The following REPS1 variants were observed in gnomAD, a reference collection of about 807,000 sequenced individuals.
REPS1 encodes RALBP1 associated Eps domain containing 1, also known as ralBP1-associated Eps domain-containing protein 1.
A neutral mutation model predicts 100.9 loss-of-function variants in REPS1; 39 were observed. The ratio of observed to expected loss-of-function variants is 0.39; its 90% CI spans 0.30 to 0.50. The LOEUF is 0.50. Ranked by LOEUF, REPS1 falls within the 20% of genes least tolerant of loss-of-function variation. REPS1 has a pLI of 0.86. For missense variants in REPS1, 821 were observed against 968.5 expected (o/e 0.85, Z 2.02); for synonymous variants, 324 against 340.3 (o/e 0.95, Z 0.53).
intron 1 of REPS1, among the ~76,000 whole-genome samples, chr6:138,954,045 A>G (rs1336495523): frequency 1.3e-5 from 2 of 152,206 alleles, no homozygotes; most frequent in African/African-American, 2.4e-5. Context: ...TCATGGCAAC[A>G]TGGATGGAAC....
Position 138,952,409 on chromosome 6 carries a change from T to C in REPS1, c.154-4496A>G, listed in dbSNP as rs143287454. Among the ~76,000 whole-genome samples the C allele has an allele frequency of 2.1e-3, 316 of 152,128 alleles. 3 individuals carry two copies. Among genetic ancestry groups the C allele is most frequent in the African/African-American group, 7.2e-3 (299 of 41,494 alleles). ...AGTAGCATTTTTTTTTCTTTTTTTT[T>C]TTCCTCTGAGACAGAGTCCTGCTCT... On this transcript the variant is annotated intron_variant, in intron 1 of 19. Coordinates refer to ENST00000450536, the MANE Select transcript of REPS1 (RefSeq NM_001286611.2).
intron 6 of REPS1, 96 bp from the exon 7 acceptor site, chr6:138,943,672 T>C (rs1190563594): frequency 1.9e-6 from 2 of 1,051,900 alleles, no homozygotes; most frequent in Non-Finnish European, 2.7e-6. Context: ...TGGGAAAAGA[T>C]ATTTTTAATA....
At chr6:138,984,927 T>A (rs1295838906) in intron 1 of REPS1, among the ~76,000 whole-genome samples, 1 of 152,196 alleles carries the variant, frequency 6.6e-6, no homozygotes, top group East Asian at 1.9e-4. Flanking sequence ...TCCCTTTCTA[T>A]TCTACTGCTG....
chr6:138,959,197 T>G (rs895380828), intron 1 of REPS1, among the ~76,000 whole-genome samples: 1 of 151,576 alleles, frequency 6.6e-6, no homozygotes, highest in Non-Finnish European at 1.5e-5. Flanking sequence ...CAGCAAAGAG[T>G]GGTTAAGTGC....
chr6:138,970,748 A>C (rs1784301050), intron 1 of REPS1, among the ~76,000 whole-genome samples: 1 of 152,154 alleles, frequency 6.6e-6, no homozygotes, highest in South Asian at 2.1e-4. Context: ...GTGCCATTGC[A>C]CTCCAGCTTG....
rs377362890 is a variant in REPS1 at position 138,980,685 on chromosome 6, CGGGGGGGGG to C, written c.153+6836_153+6844del. Among the ~76,000 whole-genome samples, 2 of 14,830 alleles carry C rather than the reference CGGGGGGGGG, an allele frequency of 1.3e-4. 1 individual carries two copies. The highest frequency in any genetic ancestry group is 2.0e-3 in the Admixed American group (2 of 998). The allele number at this position is 14,830 out of a possible 152,430, so 9.7% of individuals were successfully genotyped here. A position where few individuals can be genotyped will look rare whatever the true frequency, so the allele number is the denominator to read the frequency against. On this transcript the variant is annotated intron_variant, in intron 1 of 19. Coordinates refer to ENST00000450536, the MANE Select transcript of REPS1 (RefSeq NM_001286611.2). Reference sequence around the variant, plus strand: ...TTTCCTTTTTTTTTTGTGGGTGGGGCGGGGGGGGGGGGGAACGGAGACTTGCTCTGTCAC... The same window carrying C: ...TTTCCTTTTTTTTTTGTGGGTGGGGCGGGGAACGGAGACTTGCTCTGTCAC...
intron 9 of REPS1, 151 bp from the exon 10 acceptor site, chr6:138,926,632 C>T (rs946577076): frequency 1.7e-5 from 10 of 603,996 alleles, no homozygotes; most frequent in Non-Finnish European, 2.4e-5. Flanking sequence ...TTTCCGTCAA[C>T]ATTTTATATT....
In REPS1 at chr6:138,987,781, T is replaced by C. The variant is rs1785361498; in HGVS notation, c.-99A>G. On this transcript the variant is annotated 5_prime_UTR_variant, in exon 1 of 20. Coordinates refer to ENST00000450536, the MANE Select transcript of REPS1 (RefSeq NM_001286611.2). ...AGGGGCTGCGCGTGGCCCGGCCTCC[T>C]GCTAGCTTCCCGAAAACGCCGGCCC... 5 of 1,355,776 alleles carry C rather than the reference T, an allele frequency of 3.7e-6. 1 individual carries two copies. In the South Asian group the frequency reaches 8.6e-5, roughly 23 times the overall value. The allele number at this position is 1,355,776 out of a possible 1,614,324, so 84.0% of individuals were successfully genotyped here.
At chr6:138,965,141 C>T (rs905817295) in intron 1 of REPS1, among the ~76,000 whole-genome samples, 1 of 152,074 alleles carries the variant, frequency 6.6e-6, no homozygotes, top group African/African-American at 2.4e-5. Context: ...AAAAGTAGTA[C>T]ATACAGGCCA....
chr6:138,923,383 AAAAAAG>A (rs1257039922), intron 10 of REPS1, among the ~76,000 whole-genome samples: 1 of 152,228 alleles, frequency 6.6e-6, no homozygotes, highest in African/African-American at 2.4e-5. Flanking sequence ...TAGAAATTTT[AAAAAAG>A]AAAAACTTCT....
At position 138,915,852 on chromosome 6, in the gene REPS1, C is replaced by G. The variant is rs765141966; in HGVS notation, c.1720+6G>C. The G allele has an allele frequency of 1.9e-5, 30 of 1,557,546 alleles. No individual in the cohort carries two copies. The East Asian group carries it at 6.7e-4, about 35-fold the overall frequency. On this transcript the variant is annotated splice_donor_region_variant and intron_variant, in intron 14 of 19. Coordinates refer to ENST00000450536, the MANE Select transcript of REPS1 (RefSeq NM_001286611.2). ...ATAATGTATATTATGGTTCTCTAGC[C>G]CCTACCTGTGGTGACTGTAAAGGTC...
intron 1 of REPS1, among the ~76,000 whole-genome samples, chr6:138,965,923 CAAT>C (rs1248764950): frequency 1.3e-5 from 2 of 152,040 alleles, no homozygotes; most frequent in Admixed American, 1.3e-4. Flanking sequence ...TAAAAGTTTA[CAAT>C]AAAACATTTA....
intron 16 of REPS1, among the ~76,000 whole-genome samples, chr6:138,912,156 TC>T (rs758093218): frequency 1.3e-5 from 2 of 152,206 alleles, no homozygotes. Context: ...CTCTGGTCTC[TC>T]CAACTCCACA....
At chr6:138,935,877 AGT>A (rs1781797648) in intron 8 of REPS1, among the ~76,000 whole-genome samples, 1 of 35,674 alleles carries the variant, frequency 2.8e-5, no homozygotes, top group African/African-American at 7.8e-5. Flanking sequence ...GGCGCGGGGG[AGT>A]GGTGGCCAGG....
intron 10 of REPS1, among the ~76,000 whole-genome samples, chr6:138,925,259 C>T (rs938643409): frequency 7.9e-5 from 12 of 151,744 alleles, no homozygotes; most frequent in Non-Finnish European, 1.3e-4. Context: ...CCCAGCTACT[C>T]GGGAGGCTAA....
At chr6:138,931,440 G>A (rs1206168628) in intron 8 of REPS1, among the ~76,000 whole-genome samples, 2 of 152,038 alleles carry the variant, frequency 1.3e-5, no homozygotes, top group Non-Finnish European at 2.9e-5. Flanking sequence ...TTCTCCAAAT[G>A]TCCTTTCTGC....
chr6:138,974,219 C>T (rs538104290), intron 1 of REPS1, among the ~76,000 whole-genome samples: 11 of 152,254 alleles, frequency 7.2e-5, no homozygotes, highest in African/African-American at 2.4e-4. Flanking sequence ...AGCAATGCCA[C>T]AGGATAACTA....
chr6:138,985,703 A>G (rs1785220129), intron 1 of REPS1, among the ~76,000 whole-genome samples: 1 of 152,226 alleles, frequency 6.6e-6, no homozygotes, highest in African/African-American at 2.4e-5. Context: ...GCCAAAAGAC[A>G]ATGGAAATTT....
At chr6:138,978,259 T>G (rs1784708332) in intron 1 of REPS1, among the ~76,000 whole-genome samples, 1 of 151,968 alleles carries the variant, frequency 6.6e-6, no homozygotes, top group Non-Finnish European at 1.5e-5. Flanking sequence ...TAAAAATATT[T>G]AATAAAGCCC....
Sources: gnomAD v4.1 joint callset for allele counts (sites outside exome capture counted in the v4.1 genomes callset) on GRCh38, gnomAD v4.1.1 for gene constraint, MANE v1.5 for transcripts, NCBI Gene and HGNC (gene_info 2026-07-23, HGNC 2026-07-21) for gene names.